Variants in PVT1 observed in about 807,000 individuals in gnomAD.
PVT1 encodes the protein CXCR4/PVT1 fusion.
At chr8:127,884,564 G>A (rs975710956) in intron 2 of PVT1, among the ~76,000 whole-genome samples, 2 of 152,198 alleles carry the variant, frequency 1.3e-5, no homozygotes, top group African/African-American at 2.4e-5. Context: ...CAAAGTGGTT[G>A]TTTATCCTTT....
In PVT1 at chr8:127,864,914, C is replaced by A. The variant is rs1815270988; in HGVS notation, n.373-25675C>A. Among the ~76,000 whole-genome samples the A allele has an allele frequency of 2.0e-5, 3 of 152,286 alleles. No individual in the cohort carries two copies. In the South Asian group the frequency reaches 6.2e-4, roughly 32 times the overall value. ...GGAACTAGAGATAGAGGTCCTCTTG[C>A]CTACCAAAGCACCAGATGGAGGTGA... is the stretch of plus-strand genomic sequence containing the variant. On this transcript the variant is annotated intron_variant and non_coding_transcript_variant, in intron 2 of 10. Transcript: ENST00000651587.
intron 2 of PVT1, among the ~76,000 whole-genome samples, chr8:127,797,548 T>C (rs1463626645): frequency 6.6e-6 from 1 of 152,212 alleles, no homozygotes; most frequent in African/African-American, 2.4e-5. Flanking sequence ...CCTTTTGGAA[T>C]GCTGCCAAAA....
At chr8:128,027,569 C>T (rs1487029567) in intron 4 of PVT1, among the ~76,000 whole-genome samples, 1 of 152,200 alleles carries the variant, frequency 6.6e-6, no homozygotes, top group Non-Finnish European at 1.5e-5. Flanking sequence ...GTGATGGAAT[C>T]ACCAGGGAGC....
intron 3 of PVT1, among the ~76,000 whole-genome samples, chr8:127,927,901 G>A (rs1335586562): frequency 2.0e-5 from 3 of 152,214 alleles, no homozygotes; most frequent in Non-Finnish European, 4.4e-5. Flanking sequence ...ACCTGTGTAA[G>A]TTAACACCAA....
chr8:128,039,346 G>A (rs1372239666), intron 4 of PVT1, among the ~76,000 whole-genome samples: 6 of 152,174 alleles, frequency 3.9e-5, no homozygotes, highest in Admixed American at 3.9e-4. Context: ...CAGCTGGTTG[G>A]GGAATCATCC....
intron 2 of PVT1, among the ~76,000 whole-genome samples, chr8:127,821,417 T>C (rs1814727522): frequency 6.6e-6 from 1 of 152,204 alleles, no homozygotes. Context: ...TGATTACATG[T>C]TGAGATGATA....
chr8:128,002,465 A>G (rs1817191649), intron 4 of PVT1, among the ~76,000 whole-genome samples: 1 of 152,240 alleles, frequency 6.6e-6, no homozygotes, highest in Admixed American at 6.5e-5. Context: ...AACAACAGAA[A>G]TGTATTCTCT....
In PVT1 at chr8:127,930,805, G is replaced by GAT. The variant is rs1443258179; in HGVS notation, n.782+39810_782+39811dup. 5.3e-5 allele frequency among the ~76,000 whole-genome samples: 8 copies of GAT among 152,294 alleles called. No individual in the cohort carries two copies. In the East Asian group the frequency reaches 1.4e-3, roughly 26 times the overall value. Reference sequence around the variant, plus strand: ...TATAGCATATTTTCAGGTTCGTGATGATATCATGGGCTGTGACCCTGGGAG... The same window carrying GAT: ...TATAGCATATTTTCAGGTTCGTGATGATATATCATGGGCTGTGACCCTGGGAG... On this transcript the variant is annotated intron_variant and non_coding_transcript_variant, in intron 3 of 10. Coordinates refer to ENST00000651587, the Ensembl canonical transcript of PVT1.
chr8:128,047,191 G>T (rs540078552), intron 4 of PVT1, among the ~76,000 whole-genome samples: 1 of 152,238 alleles, frequency 6.6e-6, no homozygotes, highest in Non-Finnish European at 1.5e-5. Flanking sequence ...CTGAGCTTCA[G>T]TGGAGATTTG....
intron 2 of PVT1, chr8:127,803,194 T>C (rs1286306227): frequency 1.4e-5 from 2 of 144,132 alleles, no homozygotes; most frequent in Non-Finnish European, 3.0e-5. Flanking sequence ...AGTGGCGAGA[T>C]CTCGGCTCAC....
intron 2 of PVT1, among the ~76,000 whole-genome samples, chr8:127,812,199 G>C (rs535199366): frequency 6.7e-6 from 1 of 149,842 alleles, no homozygotes; most frequent in Non-Finnish European, 1.5e-5. Flanking sequence ...AGGGAGGGAC[G>C]GAGGAAGGAG....
At chr8:127,860,783 AAGG>A (rs890622802) in intron 2 of PVT1, among the ~76,000 whole-genome samples, 5 of 132,418 alleles carry the variant, frequency 3.8e-5, no homozygotes, top group Non-Finnish European at 5.3e-5. Flanking sequence ...AAAAAAAAAA[AAGG>A]AGAAGACAAG....
intron 2 of PVT1, among the ~76,000 whole-genome samples, chr8:127,887,567 C>T (rs1406256550): frequency 6.6e-6 from 1 of 151,966 alleles, no homozygotes; most frequent in Non-Finnish European, 1.5e-5. Flanking sequence ...GCTCTGCCAC[C>T]CAGGCTGGGG....
intron 3 of PVT1, among the ~76,000 whole-genome samples, chr8:127,893,100 G>A (rs573889580): frequency 6.6e-6 from 1 of 152,286 alleles, no homozygotes; most frequent in African/African-American, 2.4e-5. Context: ...TTATGGCAAT[G>A]AATAAGATTC....
chr8:128,087,770 T>TTTTTTG lies in PVT1; in HGVS notation n.1115-8748_1115-8747insTTTTTG, dbSNP rs370583568. Among the ~76,000 whole-genome samples, 65 of 115,620 alleles carry TTTTTTG rather than the reference T, an allele frequency of 5.6e-4. 4 individuals are homozygous for TTTTTTG. The highest frequency in any genetic ancestry group is 7.7e-4 in the Non-Finnish European group (44 of 56,782). The allele number at this position is 115,620 out of a possible 152,430, so 75.9% of individuals were successfully genotyped here. ...TACTTTTTTTTTTTTTTTTTTTTTTTGAGATGGAGTCTCGTTCTGTCTCCC... is the reference window on the plus strand; with the variant it reads ...TACTTTTTTTTTTTTTTTTTTTTTTTTTTTTGGAGATGGAGTCTCGTTCTGTCTCCC... On this transcript the variant is annotated intron_variant and non_coding_transcript_variant, in intron 5 of 10. Coordinates refer to ENST00000651587, the Ensembl canonical transcript of PVT1.
At chr8:127,802,275 G>A (rs1181302128) in intron 2 of PVT1, among the ~76,000 whole-genome samples, 2 of 152,024 alleles carry the variant, frequency 1.3e-5, no homozygotes, top group Non-Finnish European at 2.9e-5. Context: ...ATGCAGTGAT[G>A]TGTTCATAGA....
At chr8:127,914,291 A>AAAAAAAAAAAAAAAAC in intron 3 of PVT1, among the ~76,000 whole-genome samples, 1 of 135,046 alleles carries the variant, frequency 7.4e-6, no homozygotes, top group Non-Finnish European at 1.6e-5. Flanking sequence ...AAAAAAAAAA[A>AAAAAAAAAAAAAAAAC]AAAAAAAAAG....
At chr8:127,870,767 C>T (rs1455323662) in intron 2 of PVT1, among the ~76,000 whole-genome samples, 1 of 152,202 alleles carries the variant, frequency 6.6e-6, no homozygotes, top group Admixed American at 6.5e-5. Context: ...TTCTGGGCCT[C>T]AGTGACCTTA....
At chr8:127,872,088 G>A (rs1008385050) in intron 2 of PVT1, among the ~76,000 whole-genome samples, 20 of 147,300 alleles carry the variant, frequency 1.4e-4, no homozygotes, top group Admixed American at 8.8e-4. Context: ...GTGAGACTCC[G>A]TCTCAAAAAA....
Sources: allele counts gnomAD v4.1 joint callset (sites outside exome capture counted in the v4.1 genomes callset), GRCh38; gene constraint gnomAD v4.1.1; transcripts MANE v1.5; gene names NCBI Gene and HGNC (gene_info 2026-07-23, HGNC 2026-07-21).